TAF3: variants seen among roughly 807,000 people sequenced by gnomAD.
TAF3 encodes transcription initiation factor TFIID subunit 3.
In TAF3, 7 loss-of-function variants were observed where a neutral mutation model predicts 80.6. That is an observed-to-expected ratio of 0.09 (90% CI 0.05 to 0.16). The LOEUF (loss-of-function observed/expected upper bound fraction) is 0.16. Among genes scored for constraint, TAF3 ranks in the 10% least tolerant of loss-of-function variants. TAF3 has a pLI of 1.00. For missense variants in TAF3, 921 were observed against 1,140.2 expected, an observed-to-expected ratio of 0.81 and a Z score of 2.77; for synonymous variants, 444 against 446.1, an observed-to-expected ratio of 1.00 and a Z score of 0.06.
chr10:7,922,233 A>G (rs1345046748), intron 2 of TAF3, among the ~76,000 whole-genome samples: 1 of 152,108 alleles, frequency 6.6e-6, no homozygotes, highest in African/African-American at 2.4e-5. Context: ...TAAGCAAACT[A>G]TCACTGCACT....
chr10:8,007,562 TTATATATATATATATATATATATA>T lies in TAF3; in HGVS notation c.2316-1491_2316-1468del, dbSNP rs34833399. ...TATATTGTTTTCTCTGTGTGTGAAA[TTATATATATATATATATATATATA>T]TATATATATATATATATATATATAC... is the stretch of plus-strand genomic sequence containing the variant. On this transcript the variant is annotated intron_variant, in intron 4 of 6. Coordinates refer to ENST00000344293, the MANE Select transcript of TAF3 (RefSeq NM_031923.4). Among the ~76,000 whole-genome samples the T allele has an allele frequency of 9.5e-3, 576 of 60,532 alleles. 13 individuals are homozygous for T. The highest frequency in any genetic ancestry group is 0.042 in the South Asian group (44 of 1,060). 39.7% of individuals were successfully genotyped at this position (60,532 alleles called of 152,430 possible).
chr10:8,013,408 T>C (rs868306493), intron 5 of TAF3, among the ~76,000 whole-genome samples: 1 of 152,098 alleles, frequency 6.6e-6, no homozygotes, highest in Non-Finnish European at 1.5e-5. Flanking sequence ...TACATAGTTA[T>C]AGTTTTTTTT....
At chr10:7,905,591 C>T (rs1034557606) in intron 2 of TAF3, among the ~76,000 whole-genome samples, 1 of 152,092 alleles carries the variant, frequency 6.6e-6, no homozygotes, top group African/African-American at 2.4e-5. Context: ...CCTTTAAAAA[C>T]TTAAGCAGGG....
chr10:7,907,990 TAGA>T (rs113400752), intron 2 of TAF3, among the ~76,000 whole-genome samples: 52 of 152,294 alleles, frequency 3.4e-4, no homozygotes, highest in African/African-American at 1.2e-3. Context: ...AGGAGATACG[TAGA>T]AGAAGTTGGC....
rs1836794641 is a variant in TAF3, at chr10:7,831,013, T to G, written c.409+6453T>G. On this transcript the variant is annotated intron_variant, in intron 2 of 6. Transcript: ENST00000344293. ...TCAGCTGATGATGTCCAGTTTTCAC[T>G]TTTGTTGGTGTTAGCAGTGCTGATG... is the stretch of plus-strand genomic sequence containing the variant. Among the ~76,000 whole-genome samples the G allele has an allele frequency of 2.0e-5, 3 of 152,212 alleles. No homozygotes were observed. In the South Asian group the frequency reaches 6.2e-4, roughly 32 times the overall value.
chr10:7,854,408 G>A (rs530728179), intron 2 of TAF3, among the ~76,000 whole-genome samples: 1 of 152,184 alleles, frequency 6.6e-6, no homozygotes, highest in Non-Finnish European at 1.5e-5. Context: ...GCCGCAGCGA[G>A]ATACACACAT....
chr10:7,899,587 G>A (rs2131170039), intron 2 of TAF3, among the ~76,000 whole-genome samples: 1 of 152,258 alleles, frequency 6.6e-6, no homozygotes, highest in South Asian at 2.1e-4. Flanking sequence ...GCTTGGTACT[G>A]GAAGGTTAAG....
At chr10:7,827,175 C>T (rs1465003174) in intron 2 of TAF3, among the ~76,000 whole-genome samples, 10 of 152,144 alleles carry the variant, frequency 6.6e-5, no homozygotes, top group Non-Finnish European at 8.8e-5. Flanking sequence ...AGAGGCACAG[C>T]GTGGACCTCA....
chr10:7,902,379 C>T (rs1474339158), intron 2 of TAF3, among the ~76,000 whole-genome samples: 1 of 152,028 alleles, frequency 6.6e-6, no homozygotes, highest in African/African-American at 2.4e-5. Context: ...GCCGAGATTG[C>T]ACCACTGCAC....
At chr10:7,842,653 T>A (rs1272592249) in intron 2 of TAF3, among the ~76,000 whole-genome samples, 1 of 152,216 alleles carries the variant, frequency 6.6e-6, no homozygotes, top group African/African-American at 2.4e-5. Flanking sequence ...TAGCTTGGTA[T>A]GTCATTGAAG....
chr10:7,904,279 G>C (rs1837586418), intron 2 of TAF3, among the ~76,000 whole-genome samples: 1 of 152,150 alleles, frequency 6.6e-6, no homozygotes, highest in Non-Finnish European at 1.5e-5. Context: ...GCCCTGAAAT[G>C]TTGCTTCTCT....
chr10:7,938,271 G>T lies in TAF3; in HGVS notation c.410-25649G>T, dbSNP rs1588558848. Among the ~76,000 whole-genome samples, 6 of 152,248 alleles carry T rather than the reference G, an allele frequency of 3.9e-5. No homozygotes were observed. In the South Asian group the frequency reaches 1.2e-3, roughly 32 times the overall value. On this transcript the variant is annotated intron_variant, in intron 2 of 6. Transcript: ENST00000344293. ...GGCTAGGGATGGGGAGGTGTGTGGG[G>T]ATAAGAAGACAGCATTGGCAGGACA...
intron 2 of TAF3, among the ~76,000 whole-genome samples, chr10:7,961,445 T>G (rs761805004): frequency 5.9e-5 from 9 of 152,274 alleles, no homozygotes; most frequent in Non-Finnish European, 1.0e-4. Flanking sequence ...CGTTGACCTC[T>G]TAAGCATTTG....
intron 1 of TAF3, among the ~76,000 whole-genome samples, chr10:7,823,473 TAA>T (rs879431278): frequency 7.0e-6 from 1 of 142,674 alleles, no homozygotes. Flanking sequence ...TCTACAAAAT[TAA>T]AAAAAAAAAA....
At chr10:7,953,880 G>A (rs1392912205) in intron 2 of TAF3, among the ~76,000 whole-genome samples, 1 of 149,132 alleles carries the variant, frequency 6.7e-6, no homozygotes, top group Non-Finnish European at 1.5e-5. Flanking sequence ...TTAACACAGA[G>A]CTCTCCATAG....
At chr10:7,969,139 AAAACAAAC>A (rs148750011) in intron 3 of TAF3, among the ~76,000 whole-genome samples, 80,939 of 150,672 alleles carry the variant, frequency 0.54, 23,101 homozygotes, top group East Asian at 0.7. Context: ...CTGTCTCTCC[AAAACAAAC>A]AAACAAACAA....
chr10:7,951,983 T>A (rs927821035), intron 2 of TAF3, among the ~76,000 whole-genome samples: 1 of 152,236 alleles, frequency 6.6e-6, no homozygotes, highest in African/African-American at 2.4e-5. Context: ...GGGAAAGGAA[T>A]TGCAATGAGA....
chr10:8,002,186 C>G (rs575742372), intron 4 of TAF3, among the ~76,000 whole-genome samples: 1 of 152,146 alleles, frequency 6.6e-6, no homozygotes, highest in Non-Finnish European at 1.5e-5. Context: ...CATTAACCAA[C>G]AACTGAAAAC....
intron 2 of TAF3, among the ~76,000 whole-genome samples, chr10:7,870,316 C>T (rs909918264): frequency 3.3e-5 from 5 of 152,108 alleles, no homozygotes; most frequent in Non-Finnish European, 5.9e-5. Context: ...CTCACTTTTC[C>T]GGGAGTATAT....
Sources: gnomAD v4.1 joint callset for allele counts (sites outside exome capture counted in the v4.1 genomes callset) on GRCh38, gnomAD v4.1.1 for gene constraint, MANE v1.5 for transcripts, NCBI Gene and HGNC (gene_info 2026-07-23, HGNC 2026-07-21) for gene names.